TRPC6: variants seen among roughly 807,000 people sequenced by gnomAD.
TRPC6 encodes the protein transient receptor potential cation channel subfamily C member 6.
TRPC6 carries 55 observed loss-of-function variants against 90.7 expected under a neutral mutation model. The observed-to-expected ratio is 0.61, with a 90% CI of 0.49 to 0.76. The LOEUF (loss-of-function observed/expected upper bound fraction) is 0.76, where lower values mean the gene tolerates loss of function less well. TRPC6 is among the 30% of genes least tolerant of loss of function. The pLI, the probability that TRPC6 is intolerant of heterozygous loss-of-function variation, is 0.00. For synonymous variants in TRPC6, 393 were observed against 393.0 expected (o/e 1.00, Z 0.00); for missense variants, 989 against 1,122.7 (o/e 0.88, Z 1.70).
chr11:101,473,556 A>G lies in TRPC6; in HGVS notation c.1962T>C (p.Asn654=). 1.2e-6 allele frequency: 2 copies of G among 1,613,630 alleles called. No homozygotes were observed. Among genetic ancestry groups the G allele is most frequent in the East Asian group, 2.2e-5 (1 of 44,818 alleles). The change falls in exon 7 of 13, where the codon AAT becomes AAC. Residue 654 remains asparagine (N), a synonymous_variant. Coordinates refer to ENST00000344327, the MANE Select transcript of TRPC6 (RefSeq NM_004621.6). ...TTGCACCAATGTAGTAGGAGTAGAG[A>G]TTGAACATTCCAATCATAAAGGCCA... The part of the protein sequence containing the change: ...VFVAFMIGMF[N]LYSYYIGAKQ...
chr11:101,463,241 G>A, intron 10 of TRPC6, among the ~76,000 whole-genome samples: 1 of 152,174 alleles, frequency 6.6e-6, no homozygotes, highest in Non-Finnish European at 1.5e-5. Context: ...TCTCATCAAT[G>A]TTCGTCAGGG....
chr11:101,535,175 A>G lies in TRPC6; in HGVS notation c.171-30377T>C, dbSNP rs12801997. On this transcript the variant is annotated intron_variant, in intron 1 of 12. Transcript: ENST00000344327. ...AGCAAGATTCTGTCAGAAAGAAAAG[A>G]AAGGAAGGAAGGAAGGAAGGAAGGA... Among the ~76,000 whole-genome samples, 325 of 129,472 alleles carry G rather than the reference A, an allele frequency of 2.5e-3. 5 individuals are homozygous for G. The highest frequency in any genetic ancestry group is 0.011 in the Middle Eastern group (3 of 266). 84.9% of individuals were successfully genotyped at this position (129,472 alleles called of 152,430 possible).
chr11:101,458,730 T>C (rs891610180), intron 10 of TRPC6, among the ~76,000 whole-genome samples: 3 of 152,228 alleles, frequency 2.0e-5, no homozygotes, highest in Non-Finnish European at 4.4e-5. Flanking sequence ...ATGCTTACCT[T>C]GTTTCAAAAT....
At chr11:101,506,275 C>T (rs1199488241) in intron 1 of TRPC6, among the ~76,000 whole-genome samples, 1 of 147,344 alleles carries the variant, frequency 6.8e-6, no homozygotes. Context: ...TCACAAACTT[C>T]CCAGTATAAA....
At chr11:101,463,519 T>C (rs201670650) in intron 10 of TRPC6, among the ~76,000 whole-genome samples, 5 of 152,222 alleles carry the variant, frequency 3.3e-5, no homozygotes, top group African/African-American at 1.2e-4. Context: ...ATTCAACTTC[T>C]TCCTGGTTTA....
intron 1 of TRPC6, among the ~76,000 whole-genome samples, chr11:101,517,142 T>C (rs1266828426): frequency 6.6e-6 from 1 of 152,232 alleles, no homozygotes; most frequent in Admixed American, 6.5e-5. Context: ...ATGTGATCAA[T>C]GTGCCTCTAC....
In TRPC6 at chr11:101,452,969, C is replaced by T. The variant is rs1255427709; in HGVS notation, c.2782G>A (p.Glu928Lys). 6.2e-7 allele frequency: 1 copy of T among 1,613,686 alleles called. No homozygotes were observed. The highest frequency in any genetic ancestry group is 8.5e-7 in the Non-Finnish European group (1 of 1,179,828). Residue 928 changes from glutamate (E) to lysine (K), a missense_variant, in exon 13 of 13, where the codon GAA becomes AAA. Transcript: ENST00000344327. Reference sequence around the variant, plus strand: ...AAGTCTTCGCATTATCTATTGGTTTCCTCTTGATTTGGTTCCATGGATAAT... The same window carrying T: ...AAGTCTTCGCATTATCTATTGGTTTTCTCTTGATTTGGTTCCATGGATAAT... The part of the protein sequence containing the change: ...EKLSMEPNQE[E>K]TNR
chr11:101,453,472 T>C (rs570072157), intron 12 of TRPC6, among the ~76,000 whole-genome samples, 178 bp downstream of exon 12: 1 of 152,282 alleles, frequency 6.6e-6, no homozygotes, highest in African/African-American at 2.4e-5. Context: ...TCCCCGCCTG[T>C]GGAGACATAG....
intron 1 of TRPC6, among the ~76,000 whole-genome samples, chr11:101,537,651 C>G (rs1452469541): frequency 1.3e-5 from 2 of 152,074 alleles, no homozygotes; most frequent in Non-Finnish European, 2.9e-5. Context: ...AATCTGCACC[C>G]TTTCTACTTG....
intron 10 of TRPC6, among the ~76,000 whole-genome samples, chr11:101,469,000 G>C (rs374297203): frequency 6.6e-6 from 1 of 152,040 alleles, no homozygotes; most frequent in African/African-American, 2.4e-5. Context: ...ACACGGTGTC[G>C]ACCACAATAG....
At chr11:101,492,941 A>G (rs935471026) in intron 2 of TRPC6, among the ~76,000 whole-genome samples, 8 of 152,222 alleles carry the variant, frequency 5.3e-5, no homozygotes, top group African/African-American at 1.9e-4. Flanking sequence ...TTAATGAAAC[A>G]CTGTTGTAGT....
chr11:101,499,597 C>CATA (rs1565218434), intron 2 of TRPC6, among the ~76,000 whole-genome samples: 1 of 44,140 alleles, frequency 2.3e-5, no homozygotes, highest in African/African-American at 1.3e-4. Flanking sequence ...TATATATATA[C>CATA]GTATATATGG....
rs551638432 is a variant in TRPC6 at position 101,556,857 on chromosome 11, C to T, written c.170+26477G>A. 9.2e-5 allele frequency among the ~76,000 whole-genome samples: 14 copies of T among 152,236 alleles called. No homozygotes were observed. In the South Asian group the frequency reaches 2.1e-3, roughly 23 times the overall value. Reference sequence around the variant, plus strand: ...AACAGCACATTAAAAAGATCATCCTCCATGATCAGGTGGGATTAATTCCTG... The same window carrying T: ...AACAGCACATTAAAAAGATCATCCTTCATGATCAGGTGGGATTAATTCCTG... On this transcript the variant is annotated intron_variant, in intron 1 of 12. Coordinates refer to ENST00000344327, the MANE Select transcript of TRPC6 (RefSeq NM_004621.6).
At position 101,504,504 on chromosome 11, in the gene TRPC6, T is replaced by C; in HGVS notation, c.465A>G (p.Lys155=). 2 of 1,614,140 alleles carry C rather than the reference T, an allele frequency of 1.2e-6. No individual in the cohort carries two copies. Among genetic ancestry groups the C allele is most frequent in the Non-Finnish European group, 1.7e-6 (2 of 1,180,008 alleles). ...HLEITELLLK[K]ENLSRVGDAL... ...CATCCCCAACTCGAGAGAGGTTTTC[T>C]TTCTTGAGAAGAAGTTCTGTAATTT... The change falls in exon 2 of 13, where the codon AAA becomes AAG. Residue 155 remains lysine (K), a synonymous_variant. Transcript: ENST00000344327.
chr11:101,508,028 C>A (rs1860313633), intron 1 of TRPC6, among the ~76,000 whole-genome samples: 2 of 151,874 alleles, frequency 1.3e-5, no homozygotes, highest in South Asian at 4.2e-4. Flanking sequence ...TAGATTATAT[C>A]TATGAAAATT....
chr11:101,553,029 T>C (rs746391262), intron 1 of TRPC6, among the ~76,000 whole-genome samples: 5 of 152,094 alleles, frequency 3.3e-5, no homozygotes, highest in Non-Finnish European at 7.4e-5. Context: ...CCTTAAAGTC[T>C]GGGTTTGCAG....
Position 101,528,995 on chromosome 11 carries a change from T to C in TRPC6, c.171-24197A>G, listed in dbSNP as rs550306341. Among the ~76,000 whole-genome samples, 7 of 152,066 alleles carry C rather than the reference T, an allele frequency of 4.6e-5. No homozygotes were observed. In the South Asian group the frequency reaches 1.5e-3, roughly 32 times the overall value. ...GCAAGCAGGAGACATGAACAGTGGA[T>C]AGACACCATTTTTCTCCTTTGAACA... On this transcript the variant is annotated intron_variant, in intron 1 of 12. Transcript: ENST00000344327.
At position 101,583,412 on chromosome 11, in the gene TRPC6, T is replaced by C. The variant is rs748591905; in HGVS notation, c.92A>G (p.Tyr31Cys). 6.3e-7 allele frequency: 1 copy of C among 1,580,072 alleles called. No homozygotes were observed. Among genetic ancestry groups the C allele is most frequent in the Non-Finnish European group, 8.6e-7 (1 of 1,162,848 alleles). Residue 31 changes from tyrosine to cysteine, a missense_variant, in exon 1 of 13, where the codon TAT (tyrosine) becomes TGT (cysteine). Coordinates refer to ENST00000344327, the MANE Select transcript of TRPC6 (RefSeq NM_004621.6). ...TCCCAGCTCCGAGTCCATGAGCAGA[T>C]AGTCCTGGCTCTCGTTGCGCCGCGC... ...AAARRNESQD[Y>C]LLMDSELGED...
chr11:101,564,595 T>C (rs997766534), intron 1 of TRPC6, among the ~76,000 whole-genome samples: 2 of 152,112 alleles, frequency 1.3e-5, no homozygotes, highest in African/African-American at 4.8e-5. Flanking sequence ...AATGGAAAGA[T>C]ATTCCATGCT....
Sources: gnomAD v4.1 joint callset for allele counts (sites outside exome capture counted in the v4.1 genomes callset) on GRCh38, gnomAD v4.1.1 for gene constraint, MANE v1.5 for transcripts, NCBI Gene and HGNC (gene_info 2026-07-23, HGNC 2026-07-21) for gene names.